The following DEFB116 variants were observed in gnomAD, a reference collection of about 807,000 sequenced individuals.
DEFB116 encodes defensin beta 116, also known as beta-defensin 116.
DEFB116 carries 5 observed loss-of-function variants against 2.8 expected under a neutral mutation model. That is an observed-to-expected ratio of 1.80 (90% CI 0.94 to 3.79). The LOEUF is 3.79. DEFB116 is among the 30% of genes most tolerant of loss of function. The pLI, the probability that DEFB116 is intolerant of heterozygous loss-of-function variation, is 0.00. For missense variants in DEFB116, 170 were observed against 118.0 expected, an observed-to-expected ratio of 1.44 and a Z score of -2.04; for synonymous variants, 56 against 40.8, an observed-to-expected ratio of 1.37 and a Z score of -1.42.
chr20:31,304,246 C>A (rs772156932), intron 1 of DEFB116, among the ~76,000 whole-genome samples: 7 of 152,064 alleles, frequency 4.6e-5, no homozygotes, highest in Non-Finnish European at 8.8e-5. Context: ...CCTGAAAATA[C>A]CCCAGTGACA....
chr20:31,304,304 G>T (rs1600468485), intron 1 of DEFB116, among the ~76,000 whole-genome samples: 1 of 152,024 alleles, frequency 6.6e-6, no homozygotes. Flanking sequence ...GTCATCAATG[G>T]TATTACTTAC....
rs977102465 is a variant in DEFB116 at position 31,304,169 on chromosome 20, C to T, written c.68-716G>A. Among the ~76,000 whole-genome samples the T allele has an allele frequency of 3.9e-5, 6 of 152,050 alleles. 1 individual carries two copies. The South Asian group carries it at 8.3e-4, about 21-fold the overall frequency. The stretch of plus-strand genomic sequence containing the variant: ...TTCACCATGCACTTTCCACATATTG[C>T]TAATTGCACCTTGATAGCTATGTAT... On this transcript the variant is annotated intron_variant, in intron 1 of 1. Coordinates refer to ENST00000400549, the MANE Select transcript of DEFB116 (RefSeq NM_001037731.1).
chr20:31,307,818 C>A (rs1251821239), intron 1 of DEFB116, among the ~76,000 whole-genome samples: 2 of 151,952 alleles, frequency 1.3e-5, no homozygotes, highest in African/African-American at 4.8e-5. Context: ...AATAAGATAC[C>A]CACTTTAGGC....
chr20:31,304,517 C>T (rs1984950098), intron 1 of DEFB116, among the ~76,000 whole-genome samples: 1 of 152,058 alleles, frequency 6.6e-6, no homozygotes. Context: ...TGTCTGCATT[C>T]TCATAGCTTA....
chr20:31,306,159 C>A (rs536152884), intron 1 of DEFB116, among the ~76,000 whole-genome samples: 4 of 152,212 alleles, frequency 2.6e-5, no homozygotes, highest in African/African-American at 9.6e-5. Flanking sequence ...ATGATCCTCT[C>A]CCATCCAATC....
Position 31,303,388 on chromosome 20 carries a change from C to T in DEFB116, c.133G>A (p.Gly45Ser). The T allele has an allele frequency of 1.2e-6, 2 of 1,613,558 alleles. No individual in the cohort carries two copies. The highest frequency in any genetic ancestry group is 1.1e-5 in the South Asian group (1 of 91,078). Residue 45 changes from glycine to serine, a missense_variant, in exon 2 of 2, where the codon GGC becomes AGC. Coordinates refer to ENST00000400549, the MANE Select transcript of DEFB116 (RefSeq NM_001037731.1). ...EPWNPCELYQGMCRNACREYE... is the reference protein window; with the variant it reads ...EPWNPCELYQSMCRNACREYE... ...TCTCTGCAGGCGTTTCTGCACATGC[C>T]TTGGTAAAGCTCACATGGATTCCAA... is the stretch of plus-strand genomic sequence containing the variant.
At chr20:31,308,413 G>A in intron 1 of DEFB116, 106 bp downstream of exon 1, 2 of 1,083,940 alleles carry the variant, frequency 1.8e-6, no homozygotes, top group Middle Eastern at 4.1e-4. Context: ...ACCAGAAAAG[G>A]CTTTAGGTGT....
rs1984927858 is a variant in DEFB116 at position 31,303,405 on chromosome 20, G to A, written c.116C>T (p.Pro39Leu). The A allele has an allele frequency of 6.2e-7, 1 of 1,613,516 alleles. No homozygotes were observed. The highest frequency in any genetic ancestry group is 8.5e-7 in the Non-Finnish European group (1 of 1,179,580). ...HNGKSREPWN[P>L]CELYQGMCRN... ...GCACATGCCTTGGTAAAGCTCACAT[G>A]GATTCCAAGGCTCTCGGCTCTTGCC... is the stretch of plus-strand genomic sequence containing the variant. Residue 39 changes from proline (P) to leucine (L), a missense_variant, in exon 2 of 2, where the codon CCA (proline) becomes CTA (leucine). Physicochemically the swap from Pro to Leu is moderately conservative, Grantham distance 98 (BLOSUM62 -3). Coordinates refer to ENST00000400549, the MANE Select transcript of DEFB116 (RefSeq NM_001037731.1).
intron 1 of DEFB116, among the ~76,000 whole-genome samples, chr20:31,306,895 A>T (rs778313636): frequency 2.6e-5 from 4 of 152,128 alleles, no homozygotes; most frequent in Non-Finnish European, 5.9e-5. Context: ...AGCCATCTAC[A>T]GTCACATCTA....
chr20:31,303,433 T>C lies in DEFB116; in HGVS notation c.88A>G (p.Asn30Asp), dbSNP rs761969856. The C allele has an allele frequency of 1.2e-6, 2 of 1,613,346 alleles. No homozygotes were observed. Among genetic ancestry groups the C allele is most frequent in the Admixed American group, 1.7e-5 (1 of 59,922 alleles). Reference protein sequence around the residue: ...KTPGGLFRSHNGKSREPWNPC... With the variant: ...KTPGGLFRSHDGKSREPWNPC... Reference sequence around the variant, plus strand: ...TTCCAAGGCTCTCGGCTCTTGCCATTGTGGGATCTGAACAGGCCACCTGGG... The same window carrying C: ...TTCCAAGGCTCTCGGCTCTTGCCATCGTGGGATCTGAACAGGCCACCTGGG... Residue 30 changes from asparagine (N) to aspartate (D), a missense_variant, in exon 2 of 2, where the codon AAT becomes GAT. Asn to Asp is a conservative substitution (Grantham distance 23). Transcript: ENST00000400549.
At chr20:31,306,711 G>A (rs932065912) in intron 1 of DEFB116, among the ~76,000 whole-genome samples, 4 of 152,080 alleles carry the variant, frequency 2.6e-5, no homozygotes, top group Admixed American at 1.3e-4. Flanking sequence ...AGAAGAAAGA[G>A]GAAGAGGAGG....
At chr20:31,306,280 TC>T (rs1174932082) in intron 1 of DEFB116, among the ~76,000 whole-genome samples, 2 of 152,128 alleles carry the variant, frequency 1.3e-5, no homozygotes, top group African/African-American at 4.8e-5. Context: ...CAGCTCAACA[TC>T]AGAAATGTGT....
intron 1 of DEFB116, among the ~76,000 whole-genome samples, chr20:31,303,970 T>C (rs934159040): frequency 6.6e-6 from 1 of 152,078 alleles, no homozygotes; most frequent in Non-Finnish European, 1.5e-5. Flanking sequence ...CTCTGAAACA[T>C]AGGAGCAAAC....
chr20:31,304,806 TC>T, intron 1 of DEFB116, among the ~76,000 whole-genome samples: 1 of 152,040 alleles, frequency 6.6e-6, no homozygotes, highest in South Asian at 2.1e-4. Flanking sequence ...TAGATAGAGG[TC>T]TCCAATTAAT....
At chr20:31,308,025 T>C (rs1270131910) in intron 1 of DEFB116, among the ~76,000 whole-genome samples, 2 of 151,912 alleles carry the variant, frequency 1.3e-5, no homozygotes, top group Non-Finnish European at 2.9e-5. Flanking sequence ...CAAGAAAAAA[T>C]ACCATTTCCT....
At chr20:31,308,099 C>T (rs922564408) in intron 1 of DEFB116, among the ~76,000 whole-genome samples, 2 of 152,078 alleles carry the variant, frequency 1.3e-5, no homozygotes, top group Admixed American at 6.6e-5. Context: ...ACCCCATGCT[C>T]ATCCCCACTC....
rs962349676 is a variant in DEFB116, at chr20:31,308,524, G to A, written c.62C>T (p.Thr21Ile). The A allele has an allele frequency of 6.2e-7, 1 of 1,613,530 alleles. No homozygotes were observed. The highest frequency in any genetic ancestry group is 2.2e-5 in the East Asian group (1 of 44,872). ...TTGAGAGAGGCCTGAGTTACCTGGA[G>A]TCTTTTGAGCCAGGATCATAAGGAT... is the stretch of plus-strand genomic sequence containing the variant. ...IAILMILAQKTPGGLFRSHNG... is the reference protein window; with the variant it reads ...IAILMILAQKIPGGLFRSHNG... The change falls in exon 1 of 2, where the codon ACT becomes ATT. Residue 21 changes from threonine (T) to isoleucine (I), a missense_variant. Transcript: ENST00000400549.
At chr20:31,303,751 A>G (rs1308469280) in intron 1 of DEFB116, among the ~76,000 whole-genome samples, 3 of 152,140 alleles carry the variant, frequency 2.0e-5, no homozygotes, top group African/African-American at 7.2e-5. Flanking sequence ...CATCTGGCAC[A>G]TAACAAGTAA....
intron 1 of DEFB116, among the ~76,000 whole-genome samples, chr20:31,305,709 A>T (rs1046517860): frequency 5.3e-5 from 8 of 151,996 alleles, no homozygotes; most frequent in Non-Finnish European, 8.8e-5. Context: ...CTCTGGACCC[A>T]GTCTCTCCAT....
Sources: gnomAD v4.1 joint callset for allele counts (sites outside exome capture counted in the v4.1 genomes callset) on GRCh38, gnomAD v4.1.1 for gene constraint, MANE v1.5 for transcripts, NCBI Gene and HGNC (gene_info 2026-07-23, HGNC 2026-07-21) for gene names.